CFAP43: variants seen among roughly 807,000 people sequenced by gnomAD.
CFAP43 encodes cilia- and flagella-associated protein 43.
Under a neutral mutation model 218.9 loss-of-function variants are expected in CFAP43, and 155 were observed. That is an observed-to-expected ratio of 0.71 (90% CI 0.62 to 0.81). The LOEUF (loss-of-function observed/expected upper bound fraction) is 0.81. Ranked by LOEUF, CFAP43 falls within the 30% of genes least tolerant of loss-of-function variation. The pLI is 0.00. For synonymous variants in CFAP43, 645 were observed against 681.3 expected (o/e 0.95, Z 0.83); for missense variants, 1,778 against 1,954.3 (o/e 0.91, Z 1.70).
intron 31 of CFAP43, among the ~76,000 whole-genome samples, chr10:104,144,287 C>T (rs759587528): frequency 1.3e-5 from 2 of 152,140 alleles, no homozygotes; most frequent in African/African-American, 4.8e-5. Context: ...CCCACTGCTG[C>T]GGGAGGTCTC....
At chr10:104,221,056 A>C (rs563223265) in intron 3 of CFAP43, among the ~76,000 whole-genome samples, 152 of 151,214 alleles carry the variant, frequency 1.0e-3, no homozygotes, top group African/African-American at 3.6e-3. Context: ...GCTCACTGCA[A>C]CCTCTGCTTC....
rs1376469462 is a variant in CFAP43, at chr10:104,179,723, C to G, written c.2382+117G>C. The stretch of plus-strand genomic sequence containing the variant: ...AGTTACACCTGTATGTTGTAATGCT[C>G]TGCCAAGTGGTGTCTCATTCCATCT... On this transcript the variant is annotated intron_variant, in intron 18 of 37. Transcript: ENST00000357060. The G allele has an allele frequency of 8.8e-5, 66 of 753,460 alleles. No homozygotes were observed. The East Asian group carries it at 1.6e-3, about 18-fold the overall frequency. The allele number at this position is 753,460 out of a possible 1,614,324, so 46.7% of individuals were successfully genotyped here. A position where few individuals can be genotyped will look rare whatever the true frequency, so the allele number is the denominator to read the frequency against.
chr10:104,168,497 G>C (rs1014970614), intron 21 of CFAP43, among the ~76,000 whole-genome samples: 1 of 152,130 alleles, frequency 6.6e-6, no homozygotes, highest in Non-Finnish European at 1.5e-5. Context: ...GTGCCTGAGA[G>C]GAAAGGAGGA....
intron 34 of CFAP43, among the ~76,000 whole-genome samples, chr10:104,138,404 G>T (rs776325464): frequency 6.6e-6 from 1 of 152,104 alleles, no homozygotes; most frequent in Non-Finnish European, 1.5e-5. Flanking sequence ...CCGGTGGCAC[G>T]GTGGCTCAGG....
intron 11 of CFAP43, 159 bp from the exon 12 acceptor site, chr10:104,192,461 T>C (rs1213608041): frequency 9.5e-6 from 6 of 631,072 alleles, no homozygotes; most frequent in Non-Finnish European, 1.7e-5. Context: ...AGTGATTACA[T>C]GTGGATATAA....
At chr10:104,206,457 ACT>A in intron 6 of CFAP43, among the ~76,000 whole-genome samples, 1 of 152,320 alleles carries the variant, frequency 6.6e-6, no homozygotes, top group South Asian at 2.1e-4. Flanking sequence ...GGCTCAGAAA[ACT>A]CATACCAGGG....
chr10:104,157,769 T>G (rs866078121), intron 27 of CFAP43, among the ~76,000 whole-genome samples: 1 of 109,676 alleles, frequency 9.1e-6, no homozygotes, highest in Non-Finnish European at 1.9e-5. Flanking sequence ...TGTGTGTGTG[T>G]GTGTGTGAGA....
At chr10:104,205,268 C>T (rs570615520) in intron 7 of CFAP43, among the ~76,000 whole-genome samples, 3 of 150,072 alleles carry the variant, frequency 2.0e-5, no homozygotes, top group African/African-American at 7.4e-5. Context: ...TATGGTCTGA[C>T]CCCTTTTATT....
intron 1 of CFAP43, 43 bp downstream of exon 1, chr10:104,232,139 T>C: frequency 6.3e-7 from 1 of 1,581,084 alleles, no homozygotes; most frequent in Non-Finnish European, 8.6e-7. Context: ...GGGCAGGAGG[T>C]TCCGCGAGAC....
At chr10:104,185,448 A>G (rs1589730661) in intron 15 of CFAP43, among the ~76,000 whole-genome samples, 2 of 152,220 alleles carry the variant, frequency 1.3e-5, no homozygotes, top group African/African-American at 2.4e-5. Context: ...GCAGAAGTCT[A>G]TAAAGCTAGG....
intron 17 of CFAP43, among the ~76,000 whole-genome samples, chr10:104,180,913 G>T (rs1417119024): frequency 1.3e-5 from 2 of 151,958 alleles, no homozygotes; most frequent in Admixed American, 6.6e-5. Flanking sequence ...CTCTGTCCTG[G>T]TCCTCTTCTG....
chr10:104,165,291 T>C (rs1048179376), intron 23 of CFAP43, among the ~76,000 whole-genome samples: 6 of 152,106 alleles, frequency 3.9e-5, no homozygotes, highest in African/African-American at 1.4e-4. Flanking sequence ...ATGAAACCAT[T>C]AAAGCAAGGT....
At chr10:104,140,293 G>T (rs574479291) in intron 34 of CFAP43, among the ~76,000 whole-genome samples, 5 of 152,298 alleles carry the variant, frequency 3.3e-5, no homozygotes, top group African/African-American at 1.2e-4. Flanking sequence ...TGGACATTTA[G>T]CTCTGTGATC....
At chr10:104,218,893 C>T (rs538069538) in intron 3 of CFAP43, 48 of 495,498 alleles carry the variant, frequency 9.7e-5, no homozygotes, top group African/African-American at 4.5e-4. Flanking sequence ...AGCATGACAG[C>T]GGGAGACTGG....
chr10:104,157,769 T>TGA (rs1222414009), intron 27 of CFAP43, among the ~76,000 whole-genome samples: 33 of 109,702 alleles, frequency 3.0e-4, no homozygotes, highest in African/African-American at 5.1e-4. Context: ...TGTGTGTGTG[T>TGA]GTGTGTGAGA....
intron 5 of CFAP43, among the ~76,000 whole-genome samples, chr10:104,210,115 A>T (rs1301908823): frequency 2.0e-5 from 3 of 152,254 alleles, no homozygotes; most frequent in Non-Finnish European, 2.9e-5. Context: ...AGAAGAAATA[A>T]AAGTGTGTAT....
At position 104,167,730 on chromosome 10, in the gene CFAP43, T is replaced by A. The variant is rs748806816; in HGVS notation, c.2699A>T (p.His900Leu). Residue 900 changes from histidine to leucine, a missense_variant, in exon 22 of 38, where the codon CAT becomes CTT. His to Leu is a moderately conservative substitution (Grantham distance 99, BLOSUM62 -3). Coordinates refer to ENST00000357060, the MANE Select transcript of CFAP43 (RefSeq NM_025145.7). ...AVKGRALKCF[H>L]IPCVVENFPM... ...GAAGTTTTCAACCACACAGGGGATA[T>A]GAAAACACTTGGGGAAAAAAACGCA... is the stretch of plus-strand genomic sequence containing the variant. 2 of 1,603,244 alleles carry A rather than the reference T, an allele frequency of 1.2e-6. No homozygotes were observed. The highest frequency in any genetic ancestry group is 1.7e-6 in the Non-Finnish European group (2 of 1,176,790).
chr10:104,205,944 G>GA lies in CFAP43; in HGVS notation c.963+18dup, dbSNP rs1267592359. On this transcript the variant is annotated intron_variant, in intron 7 of 37. Transcript: ENST00000357060. ...GAATTTTCTTTAAACCAATTAATTT[G>GA]AAAAAAAGAATACATTACAATTCCA... 3.1e-6 allele frequency: 5 copies of GA among 1,596,608 alleles called. No individual in the cohort carries two copies. The South Asian group carries it at 3.4e-5, about 11-fold the overall frequency.
chr10:104,153,864 T>C (rs2088405243), intron 27 of CFAP43, among the ~76,000 whole-genome samples: 1 of 146,838 alleles, frequency 6.8e-6, no homozygotes, highest in Admixed American at 6.8e-5. Context: ...CATTTGAGAA[T>C]AATTTGCAGA....
Sources: gnomAD v4.1 joint callset for allele counts (sites outside exome capture counted in the v4.1 genomes callset) on GRCh38, gnomAD v4.1.1 for gene constraint, MANE v1.5 for transcripts, NCBI Gene and HGNC (gene_info 2026-07-23, HGNC 2026-07-21) for gene names.